EPHA3: variants seen among roughly 807,000 people sequenced by gnomAD.
EPHA3 encodes the protein ephrin type-A receptor 3.
EPHA3 carries 42 observed loss-of-function variants against 107.1 expected under a neutral mutation model. The observed-to-expected ratio is 0.39, with a 90% CI of 0.31 to 0.51. The LOEUF (loss-of-function observed/expected upper bound fraction) is 0.51, where lower values mean the gene tolerates loss of function less well. Ranked by LOEUF, EPHA3 falls within the 20% of genes least tolerant of loss-of-function variation. EPHA3 has a pLI of 0.78. For missense variants in EPHA3, 1,183 were observed against 1,211.2 expected (o/e 0.98, Z 0.35); for synonymous variants, 461 against 424.8 (o/e 1.09, Z -1.05).
At chr3:89,326,755 C>T (rs1707174584) in intron 3 of EPHA3, among the ~76,000 whole-genome samples, 1 of 151,926 alleles carries the variant, frequency 6.6e-6, no homozygotes, top group Admixed American at 6.6e-5. Context: ...ATGCAGAACC[C>T]ATAAATACAG....
intron 5 of EPHA3, among the ~76,000 whole-genome samples, chr3:89,360,935 C>T (rs1188731804): frequency 1.3e-5 from 2 of 150,958 alleles, no homozygotes; most frequent in East Asian, 1.9e-4. Flanking sequence ...ACTCACTTCT[C>T]ATATGAACAG....
At chr3:89,160,885 C>T (rs11128069) in intron 2 of EPHA3, among the ~76,000 whole-genome samples, 85,587 of 151,840 alleles carry the variant, frequency 0.56, 24,469 homozygotes, top group Admixed American at 0.65. Context: ...AGTGGTTCTC[C>T]AATTTTTTGG....
intron 15 of EPHA3, among the ~76,000 whole-genome samples, chr3:89,450,778 G>A (rs1268925403): frequency 1.3e-5 from 2 of 152,152 alleles, no homozygotes; most frequent in East Asian, 1.9e-4. Context: ...GTGGTGGCAG[G>A]CACCTGTAAT....
At chr3:89,195,102 T>C (rs1438450657) in intron 2 of EPHA3, among the ~76,000 whole-genome samples, 1 of 152,098 alleles carries the variant, frequency 6.6e-6, no homozygotes, top group East Asian at 1.9e-4. Context: ...TGAATTTATA[T>C]GCATGTAATT....
In EPHA3 at chr3:89,345,694, C is replaced by A. The variant is rs1170002114; in HGVS notation, c.1306+3604C>A. Reference sequence around the variant, plus strand: ...GGTTAGTTACATATGTATACATGTGCCGTGCTGGTGCGCTGCACCCACTAA... The same window carrying A: ...GGTTAGTTACATATGTATACATGTGACGTGCTGGTGCGCTGCACCCACTAA... On this transcript the variant is annotated intron_variant, in intron 5 of 16. Transcript: ENST00000336596. Among the ~76,000 whole-genome samples the A allele has an allele frequency of 6.2e-5, 9 of 145,174 alleles. 1 individual carries two copies. The highest frequency in any genetic ancestry group is 5.6e-4 in the Admixed American group (8 of 14,380).
At chr3:89,335,715 T>A (rs1707377785) in intron 3 of EPHA3, among the ~76,000 whole-genome samples, 1 of 152,170 alleles carries the variant, frequency 6.6e-6, no homozygotes, top group African/African-American at 2.4e-5. Flanking sequence ...AAAATCTTCT[T>A]ACAAAATGGG....
intron 3 of EPHA3, among the ~76,000 whole-genome samples, chr3:89,240,136 C>T (rs928722254): frequency 2.0e-5 from 3 of 151,954 alleles, no homozygotes; most frequent in Admixed American, 6.6e-5. Context: ...AAAAGCAGGT[C>T]GCATGGTTGA....
At chr3:89,159,607 C>A (rs1448313928) in intron 2 of EPHA3, among the ~76,000 whole-genome samples, 1 of 152,062 alleles carries the variant, frequency 6.6e-6, no homozygotes, top group Non-Finnish European at 1.5e-5. Flanking sequence ...TCAATGAAAC[C>A]AATTGGAACT....
At chr3:89,366,560 T>C (rs1708187651) in intron 5 of EPHA3, among the ~76,000 whole-genome samples, 1 of 150,684 alleles carries the variant, frequency 6.6e-6, no homozygotes, top group South Asian at 2.1e-4. Context: ...TTGAAAGCCA[T>C]GAAAGTTGAA....
chr3:89,411,484 A>G (rs1036647524), intron 9 of EPHA3, among the ~76,000 whole-genome samples: 2 of 151,820 alleles, frequency 1.3e-5, no homozygotes, highest in African/African-American at 4.8e-5. Flanking sequence ...CCTGCTTTCT[A>G]TTATGCTGTG....
chr3:89,456,709 A>G (rs563822352), intron 15 of EPHA3, among the ~76,000 whole-genome samples: 1 of 152,232 alleles, frequency 6.6e-6, no homozygotes, highest in Non-Finnish European at 1.5e-5. Context: ...GCAAAGAATC[A>G]TAATAAGGGA....
intron 5 of EPHA3, among the ~76,000 whole-genome samples, chr3:89,387,039 T>G (rs1370442443): frequency 1.3e-5 from 2 of 152,172 alleles, no homozygotes; most frequent in African/African-American, 4.8e-5. Context: ...CAGAAAGGAC[T>G]TGACTTGTCT....
At chr3:89,361,680 C>T (rs928973811) in intron 5 of EPHA3, among the ~76,000 whole-genome samples, 2 of 151,024 alleles carry the variant, frequency 1.3e-5, no homozygotes, top group Admixed American at 6.6e-5. Flanking sequence ...GGAGCTAAGA[C>T]GAACATTTTC....
chr3:89,443,041 A>G (rs1709813707), intron 13 of EPHA3, among the ~76,000 whole-genome samples: 1 of 152,184 alleles, frequency 6.6e-6, no homozygotes, highest in Non-Finnish European at 1.5e-5. Flanking sequence ...GAAGATAAAT[A>G]TATCAGATAT....
intron 3 of EPHA3, among the ~76,000 whole-genome samples, chr3:89,255,302 T>C (rs1196467104): frequency 2.0e-5 from 3 of 152,218 alleles, no homozygotes; most frequent in Non-Finnish European, 2.9e-5. Context: ...ATTCTTGCTT[T>C]AACTCTGGTT....
At chr3:89,160,264 C>T (rs1704900927) in intron 2 of EPHA3, among the ~76,000 whole-genome samples, 1 of 151,974 alleles carries the variant, frequency 6.6e-6, no homozygotes, top group Admixed American at 6.6e-5. Context: ...ATAATAAATA[C>T]ATAAACTGTA....
chr3:89,336,761 T>G (rs1707401001), intron 3 of EPHA3, among the ~76,000 whole-genome samples: 1 of 152,000 alleles, frequency 6.6e-6, no homozygotes, highest in Admixed American at 6.6e-5. Context: ...ATCAAATAGA[T>G]AGCAAATCCT....
At chr3:89,312,095 A>G (rs1444048153) in intron 3 of EPHA3, among the ~76,000 whole-genome samples, 18 of 152,052 alleles carry the variant, frequency 1.2e-4, no homozygotes, top group Admixed American at 1.1e-3. Flanking sequence ...TCAGTTTTCT[A>G]TGGTCAGCAC....
chr3:89,373,569 C>T (rs1219972486), intron 5 of EPHA3, among the ~76,000 whole-genome samples: 1 of 151,784 alleles, frequency 6.6e-6, no homozygotes, highest in South Asian at 2.1e-4. Context: ...TGGTCTCATT[C>T]CTATGTGACA....
Sources: gnomAD v4.1 joint callset for allele counts (sites outside exome capture counted in the v4.1 genomes callset) on GRCh38, gnomAD v4.1.1 for gene constraint, MANE v1.5 for transcripts, NCBI Gene and HGNC (gene_info 2026-07-23, HGNC 2026-07-21) for gene names.